LUC7L3: variants seen among roughly 807,000 people sequenced by gnomAD.
The protein encoded by LUC7L3 is luc7-like protein 3.
Under a neutral mutation model 66.8 loss-of-function variants are expected in LUC7L3, and 6 were observed. That is an observed-to-expected ratio of 0.09 (90% confidence interval 0.05 to 0.18). LUC7L3 has a LOEUF of 0.18. Ranked by LOEUF, LUC7L3 falls within the 10% of genes least tolerant of loss-of-function variation. The probability of loss-of-function intolerance (pLI) is 1.00; values close to 1 mark genes in which losing one functional copy is unlikely to be tolerated. For synonymous variants in LUC7L3, 160 were observed against 174.7 expected (o/e 0.92, Z 0.66); for missense variants, 341 against 531.1 (o/e 0.64, Z 3.52).
intron 1 of LUC7L3, among the ~76,000 whole-genome samples, chr17:50,726,091 A>G (rs1254072401): frequency 6.6e-6 from 1 of 152,226 alleles, no homozygotes; most frequent in Non-Finnish European, 1.5e-5. Flanking sequence ...TAAATTGCAT[A>G]TCACAGTAAA....
intron 3 of LUC7L3, among the ~76,000 whole-genome samples, 180 bp downstream of exon 3, chr17:50,740,525 G>C (rs1356882556): frequency 6.6e-6 from 1 of 152,040 alleles, no homozygotes; most frequent in Middle Eastern, 3.2e-3. Flanking sequence ...TACCACATGA[G>C]TGCACCCTGT....
intron 1 of LUC7L3, among the ~76,000 whole-genome samples, chr17:50,733,250 T>G (rs1239334838): frequency 2.0e-5 from 3 of 150,048 alleles, no homozygotes; most frequent in East Asian, 1.9e-4. Flanking sequence ...AAAACTTTGT[T>G]TTTTTTTTTT....
chr17:50,755,117 AGTT>A lies in LUC7L3; in HGVS notation c.*4460_*4462del, dbSNP rs1386287515. On this transcript the variant is annotated 3_prime_UTR_variant, in exon 10 of 10. Transcript: ENST00000505658. ...AGTTTGATTTCCTGAGGGATTTTTT[AGTT>A]GTTTGTGAAAGAACCCCAGGTCTAC... The A allele has an allele frequency of 2.0e-5, 3 of 152,032 alleles. No individual in the cohort carries two copies. The highest frequency in any genetic ancestry group is 7.3e-5 in the African/African-American group (3 of 41,374). The allele number at this position is 152,032 out of a possible 1,614,324, so 9.4% of individuals were successfully genotyped here.
intron 5 of LUC7L3, 40 bp downstream of exon 5, chr17:50,741,771 A>T (rs2146753898): frequency 6.7e-7 from 1 of 1,492,432 alleles, no homozygotes; most frequent in East Asian, 2.3e-5. Context: ...GTAATGTGAA[A>T]CAGACATGTA....
At chr17:50,729,138 T>G (rs550891998) in intron 1 of LUC7L3, among the ~76,000 whole-genome samples, 109 of 152,252 alleles carry the variant, frequency 7.2e-4, no homozygotes, top group South Asian at 1.9e-3. Context: ...ATTTCTGATA[T>G]CAAACATTGA....
chr17:50,743,909 AGAGTCAG>A (rs1474642068), intron 6 of LUC7L3, 99 bp downstream of exon 6: 2 of 860,868 alleles, frequency 2.3e-6, no homozygotes, highest in Non-Finnish European at 3.7e-6. Flanking sequence ...TTCCAAACTT[AGAGTCAG>A]CACAATTTGT....
In LUC7L3 at chr17:50,742,275, G is replaced by A. The variant is rs529944438; in HGVS notation, c.426+544G>A. Among the ~76,000 whole-genome samples the A allele has an allele frequency of 1.1e-4, 17 of 152,232 alleles. No homozygotes were observed. In the South Asian group the frequency reaches 3.3e-3, roughly 30 times the overall value. ...AGGATGTGAGCCAGCTGGAACTGGG[G>A]TATAATATTGCACAACCACTTTGGA... is the stretch of plus-strand genomic sequence containing the variant. On this transcript the variant is annotated intron_variant, in intron 5 of 9. Coordinates refer to ENST00000505658, the MANE Select transcript of LUC7L3 (RefSeq NM_016424.5).
intron 9 of LUC7L3, among the ~76,000 whole-genome samples, chr17:50,747,247 T>G (rs1266717200): frequency 5.4e-5 from 5 of 91,946 alleles, no homozygotes; most frequent in South Asian, 3.7e-4. Context: ...TTTTTTTTTT[T>G]GGTGTGGCAT....
intron 1 of LUC7L3, among the ~76,000 whole-genome samples, chr17:50,730,463 C>G (rs1347294926): frequency 8.0e-6 from 1 of 124,936 alleles, no homozygotes; most frequent in Non-Finnish European, 1.6e-5. Context: ...GGTAGTGAGC[C>G]AAGATCGAAC....
rs748547330 is a variant in LUC7L3, at chr17:50,746,695, G to A, written c.1131G>A (p.Lys377=). ...ACAGAGAACAAGATAGAAAATCCAA[G>A]GAGAAAGGTTAGTTTATATGAGAAT... ...SRDREQDRKS[K]EKEKRGSDDK... Residue 377 remains lysine, a synonymous_variant, in exon 9 of 10, where the codon AAG becomes AAA. Coordinates refer to ENST00000505658, the MANE Select transcript of LUC7L3 (RefSeq NM_016424.5). 4.8e-5 allele frequency: 78 copies of A among 1,612,350 alleles called. No homozygotes were observed. Among genetic ancestry groups the A allele is most frequent in the Admixed American group, 2.0e-4 (12 of 59,548 alleles).
chr17:50,751,484 T>C lies in LUC7L3; in HGVS notation c.*823T>C, dbSNP rs1970970300. ...TTTACAAGAAGTGCAGAGGGGTTTT[T>C]TGTGTATTGCGTGAAAACTTATAAA... On this transcript the variant is annotated 3_prime_UTR_variant, in exon 10 of 10. Transcript: ENST00000505658. 1.7e-6 allele frequency: 2 copies of C among 1,205,242 alleles called. No individual in the cohort carries two copies. The highest frequency in any genetic ancestry group is 2.1e-6 in the Non-Finnish European group (2 of 948,210). The allele number at this position is 1,205,242 out of a possible 1,614,324, so 74.7% of individuals were successfully genotyped here.
chr17:50,728,963 A>G (rs1460941232), intron 1 of LUC7L3, among the ~76,000 whole-genome samples: 1 of 152,166 alleles, frequency 6.6e-6, no homozygotes, highest in African/African-American at 2.4e-5. Flanking sequence ...CTGTTTCAGA[A>G]TACAGTAAGT....
intron 9 of LUC7L3, chr17:50,748,293 G>A (rs1597942631): frequency 6.6e-6 from 1 of 152,060 alleles, no homozygotes; most frequent in South Asian, 2.1e-4. Flanking sequence ...TCCTAAAATT[G>A]TAATGATGAT....
intron 5 of LUC7L3, 24 bp downstream of exon 5, chr17:50,741,755 C>G: frequency 6.4e-7 from 1 of 1,570,156 alleles, no homozygotes; most frequent in East Asian, 2.2e-5. Context: ...GCATTAATGT[C>G]AGGAAGTAAT....
chr17:50,732,257 G>A (rs903521071), intron 1 of LUC7L3, among the ~76,000 whole-genome samples: 2 of 152,146 alleles, frequency 1.3e-5, no homozygotes, highest in African/African-American at 4.8e-5. Flanking sequence ...GGAGTTAATC[G>A]GAAGTCAGCC....
At chr17:50,740,633 AC>A (rs746018155) in intron 3 of LUC7L3, among the ~76,000 whole-genome samples, 2 of 151,944 alleles carry the variant, frequency 1.3e-5, no homozygotes, top group Non-Finnish European at 2.9e-5. Context: ...ATCTCAGCTT[AC>A]TGCAACCTCC....
intron 1 of LUC7L3, among the ~76,000 whole-genome samples, chr17:50,731,602 C>T (rs1657432875): frequency 6.6e-6 from 1 of 152,112 alleles, no homozygotes; most frequent in Admixed American, 6.5e-5. Context: ...AAGAAGCAGT[C>T]CAGGTAGCTG....
At chr17:50,738,191 T>C in intron 2 of LUC7L3, 2 of 455,394 alleles carry the variant, frequency 4.4e-6, no homozygotes, top group South Asian at 3.1e-5. Context: ...TGAGAAGTGA[T>C]CTCTGCAGGT....
rs1969658136 is a variant in LUC7L3 at position 50,732,301 on chromosome 17, G to C, written c.100-4659G>C. On this transcript the variant is annotated intron_variant, in intron 1 of 9. Coordinates refer to ENST00000505658, the MANE Select transcript of LUC7L3 (RefSeq NM_016424.5). ...TAACACCCAAGATGGAGTTGCTTTC[G>C]CTTTTACATACAGGCTAACACCTTT... 2.6e-5 allele frequency among the ~76,000 whole-genome samples: 4 copies of C among 152,242 alleles called. No individual in the cohort carries two copies. The South Asian group carries it at 8.3e-4, about 32-fold the overall frequency.
Sources: gnomAD v4.1 joint callset for allele counts (sites outside exome capture counted in the v4.1 genomes callset) on GRCh38, gnomAD v4.1.1 for gene constraint, MANE v1.5 for transcripts, NCBI Gene and HGNC (gene_info 2026-07-23, HGNC 2026-07-21) for gene names.